The following SCNN1G variants were observed in gnomAD, a reference collection of about 807,000 sequenced individuals.
SCNN1G encodes the protein sodium channel epithelial 1 subunit gamma, also known as epithelial sodium channel subunit gamma.
Under a neutral mutation model 64.6 loss-of-function variants are expected in SCNN1G, and 27 were observed. The ratio of observed to expected loss-of-function variants is 0.42; its 90% CI spans 0.31 to 0.58. SCNN1G has a LOEUF of 0.58. Ranked by LOEUF, SCNN1G falls within the 20% of genes least tolerant of loss-of-function variation. The pLI is 0.18. For missense variants in SCNN1G, 743 were observed against 823.4 expected (o/e 0.90, Z 1.19); for synonymous variants, 330 against 314.2 (o/e 1.05, Z -0.53).
chr16:23,212,529 C>T (rs1259432665), intron 8 of SCNN1G, 149 bp from the exon 9 acceptor site: 1 of 740,126 alleles, frequency 1.4e-6, no homozygotes, highest in Non-Finnish European at 2.5e-6. Context: ...CCCAACATCA[C>T]AATGCAATAT....
intron 6 of SCNN1G, among the ~76,000 whole-genome samples, chr16:23,208,203 A>G (rs756739640): frequency 9.9e-5 from 15 of 152,152 alleles, no homozygotes; most frequent in Admixed American, 5.2e-4. Flanking sequence ...CATTGAAGCC[A>G]GGTGCAGTGG....
At chr16:23,186,619 G>T in intron 2 of SCNN1G, 31 bp downstream of exon 2, 1 of 1,591,682 alleles carries the variant, frequency 6.3e-7, no homozygotes, top group Non-Finnish European at 8.6e-7. Context: ...AACGCGAGTA[G>T]GGAGCCAGGC....
At chr16:23,185,222 C>T (rs1959587310) in intron 1 of SCNN1G, among the ~76,000 whole-genome samples, 1 of 152,080 alleles carries the variant, frequency 6.6e-6, no homozygotes, top group African/African-American at 2.4e-5. Flanking sequence ...TAATAGCATG[C>T]CTACTTCATG....
chr16:23,215,539 C>T lies in SCNN1G; in HGVS notation c.*70C>T. 6.4e-7 allele frequency: 1 copy of T among 1,571,600 alleles called. No individual in the cohort carries two copies. Among genetic ancestry groups the T allele is most frequent in the Non-Finnish European group, 8.7e-7 (1 of 1,154,616 alleles). ...TCTAAGGACATGGATCGGGTGCCCC[C>T]AGACGTGTGCACAGGGGACCCTCTG... On this transcript the variant is annotated 3_prime_UTR_variant, in exon 13 of 13. Coordinates refer to ENST00000300061, the MANE Select transcript of SCNN1G (RefSeq NM_001039.4).
intron 6 of SCNN1G, among the ~76,000 whole-genome samples, chr16:23,202,391 G>T (rs1180386989): frequency 6.6e-6 from 1 of 151,956 alleles, no homozygotes; most frequent in Non-Finnish European, 1.5e-5. Flanking sequence ...TGCGTGGGTA[G>T]GTGCATGGAT....
chr16:23,187,403 C>T (rs1335182822), intron 2 of SCNN1G, among the ~76,000 whole-genome samples: 1 of 152,138 alleles, frequency 6.6e-6, no homozygotes. Context: ...ACCACCACAC[C>T]CACTCCATCA....
intron 5 of SCNN1G, among the ~76,000 whole-genome samples, chr16:23,196,224 C>T (rs1405396125): frequency 6.6e-6 from 1 of 152,098 alleles, no homozygotes; most frequent in East Asian, 1.9e-4. Flanking sequence ...GCAAAAGATT[C>T]ATGTTAAGGT....
Position 23,215,366 on chromosome 16 carries a change from G to T in SCNN1G, c.1847G>T (p.Gly616Val). 6.2e-7 allele frequency: 1 copy of T among 1,614,118 alleles called. No homozygotes were observed. The highest frequency in any genetic ancestry group is 1.3e-5 in the African/African-American group (1 of 75,042). The change falls in exon 13 of 13, where the codon GGA becomes GTA. Residue 616 changes from glycine to valine, a missense_variant. Coordinates refer to ENST00000300061, the MANE Select transcript of SCNN1G (RefSeq NM_001039.4). The part of the protein sequence containing the change: ...NSALHLPPAL[G>V]TQVPGTPPPK... ...GCTTTGCACCTGCCTCCAGCCCTAG[G>T]AACCCAAGTGCCCGGCACACCGCCC... is the stretch of plus-strand genomic sequence containing the variant.
intron 2 of SCNN1G, among the ~76,000 whole-genome samples, chr16:23,188,755 C>G (rs1003513090): frequency 6.6e-6 from 1 of 152,088 alleles, no homozygotes; most frequent in African/African-American, 2.4e-5. Flanking sequence ...GCTCTGCTGC[C>G]TATGCCTAGA....
intron 5 of SCNN1G, 85 bp from the exon 6 acceptor site, chr16:23,197,179 G>A: frequency 8.9e-7 from 1 of 1,127,638 alleles, no homozygotes; most frequent in Admixed American, 1.8e-5. Context: ...TGGGTTTGAA[G>A]CTCCTGAAGC....
rs5724 is a variant in SCNN1G at position 23,215,513 on chromosome 16, G to T, written c.*44G>T. ...GATCTAGTCAGGACCACCAGCCATGGTCTAAGGACATGGATCGGGTGCCCC... is the reference window on the plus strand; with the variant it reads ...GATCTAGTCAGGACCACCAGCCATGTTCTAAGGACATGGATCGGGTGCCCC... On this transcript the variant is annotated 3_prime_UTR_variant, in exon 13 of 13. Coordinates refer to ENST00000300061, the MANE Select transcript of SCNN1G (RefSeq NM_001039.4). The T allele has an allele frequency of 6.8e-4, 1,088 of 1,598,894 alleles. 9 individuals carry two copies. The African/African-American group carries it at 0.012, about 17-fold the overall frequency.
chr16:23,198,025 A>G (rs1251898497), intron 6 of SCNN1G, among the ~76,000 whole-genome samples: 2 of 152,250 alleles, frequency 1.3e-5, no homozygotes, highest in Admixed American at 6.5e-5. Flanking sequence ...ATACAAACAG[A>G]TAAGATTACC....
intron 7 of SCNN1G, among the ~76,000 whole-genome samples, chr16:23,211,613 C>A (rs533705113): frequency 2.4e-4 from 36 of 152,128 alleles, no homozygotes; most frequent in African/African-American, 8.2e-4. Flanking sequence ...AGTTTGAGAC[C>A]AGCCTGGCCA....
At chr16:23,188,983 G>A (rs1959658725) in intron 2 of SCNN1G, among the ~76,000 whole-genome samples, 1 of 152,166 alleles carries the variant, frequency 6.6e-6, no homozygotes, top group South Asian at 2.1e-4. Context: ...GGGTGGAGAA[G>A]GAGCCTGCCC....
chr16:23,201,924 C>T (rs1202988164), intron 6 of SCNN1G, among the ~76,000 whole-genome samples: 1 of 152,182 alleles, frequency 6.6e-6, no homozygotes, highest in Non-Finnish European at 1.5e-5. Flanking sequence ...TCATGGGATT[C>T]TCCTGCCTCA....
chr16:23,202,264 GTGGA>G (rs766730532), intron 6 of SCNN1G, among the ~76,000 whole-genome samples: 21,411 of 98,080 alleles, frequency 0.22, 1,762 homozygotes, highest in Admixed American at 0.31. Flanking sequence ...GGGTGGGTGG[GTGGA>G]TGGATGGATG....
At position 23,215,388 on chromosome 16, in the gene SCNN1G, G is replaced by A. The variant is rs781731308; in HGVS notation, c.1869G>A (p.Pro623=). 31 of 1,613,970 alleles carry A rather than the reference G, an allele frequency of 1.9e-5. No homozygotes were observed. Among genetic ancestry groups the A allele is most frequent in the Admixed American group, 5.0e-5 (3 of 60,012 alleles). The change falls in exon 13 of 13, where the codon CCG becomes CCA. Residue 623 remains proline (P), a synonymous_variant. Coordinates refer to ENST00000300061, the MANE Select transcript of SCNN1G (RefSeq NM_001039.4). ...PALGTQVPGT[P]PPKYNTLRLE... ...TAGGAACCCAAGTGCCCGGCACACC[G>A]CCCCCCAAATACAATACCTTGCGCT...
chr16:23,200,906 C>A (rs1750516890), intron 6 of SCNN1G, among the ~76,000 whole-genome samples: 1 of 152,104 alleles, frequency 6.6e-6, no homozygotes, highest in Non-Finnish European at 1.5e-5. Context: ...ATGAAAAGGA[C>A]AACACTGGAC....
chr16:23,200,526 C>T (rs147710975), intron 6 of SCNN1G, among the ~76,000 whole-genome samples: 10 of 152,282 alleles, frequency 6.6e-5, no homozygotes, highest in East Asian at 1.9e-4. Flanking sequence ...CTTGGATATC[C>T]GCCTGTCATT....
Sources: allele counts gnomAD v4.1 joint callset (sites outside exome capture counted in the v4.1 genomes callset), GRCh38; gene constraint gnomAD v4.1.1; transcripts MANE v1.5; gene names NCBI Gene and HGNC (gene_info 2026-07-23, HGNC 2026-07-21).